Variants in REC114 observed in about 807,000 individuals in gnomAD.
REC114 encodes meiotic recombination protein REC114.
In REC114, 27 loss-of-function variants were observed where a neutral mutation model predicts 31.3. The observed-to-expected ratio is 0.86, with a 90% CI of 0.64 to 1.19. REC114 has a LOEUF of 1.19. Among genes scored for constraint, REC114 ranks in the 50% most tolerant of loss-of-function variants. REC114 has a pLI of 0.00. For synonymous variants in REC114, 134 were observed against 127.7 expected (o/e 1.05, Z -0.33); for missense variants, 344 against 326.9 (o/e 1.05, Z -0.40).
chr15:73,533,501 T>C (rs1281290966), intron 2 of REC114, among the ~76,000 whole-genome samples: 1 of 150,916 alleles, frequency 6.6e-6, no homozygotes, highest in African/African-American at 2.5e-5. Flanking sequence ...CCTAAATATA[T>C]ATGCACCCAA....
Position 73,555,202 on chromosome 15 carries a change from C to T in REC114, c.547-1100C>T, listed in dbSNP as rs554702115. On this transcript the variant is annotated intron_variant, in intron 4 of 5. Transcript: ENST00000331090. ...TTGGCATCTCCTGCCTTCTGGTAGT[C>T]AGACTTGTTGCTGAAGGACAGAAGC... is the stretch of plus-strand genomic sequence containing the variant. Among the ~76,000 whole-genome samples, 6 of 152,292 alleles carry T rather than the reference C, an allele frequency of 3.9e-5. No individual in the cohort carries two copies. The South Asian group carries it at 1.2e-3, about 32-fold the overall frequency.
chr15:73,540,090 A>T (rs1238330740), intron 2 of REC114, among the ~76,000 whole-genome samples: 1 of 152,172 alleles, frequency 6.6e-6, no homozygotes, highest in Non-Finnish European at 1.5e-5. Context: ...CTTACTATGG[A>T]GTTAGAGACG....
At chr15:73,503,458 G>A (rs1567875757) in intron 2 of REC114, among the ~76,000 whole-genome samples, 1 of 152,152 alleles carries the variant, frequency 6.6e-6, no homozygotes, top group Non-Finnish European at 1.5e-5. Flanking sequence ...GGAAAAAAAA[G>A]TGATACAATA....
chr15:73,515,989 C>T lies in REC114; in HGVS notation c.250-24496C>T, dbSNP rs1331157396. Among the ~76,000 whole-genome samples the T allele has an allele frequency of 6.2e-4, 89 of 143,216 alleles. 1 individual carries two copies. The highest frequency in any genetic ancestry group is 1.9e-3 in the African/African-American group (74 of 39,294). The allele number at this position is 143,216 out of a possible 152,430, so 94.0% of individuals were successfully genotyped here. A position where few individuals can be genotyped will look rare whatever the true frequency, so the allele number is the denominator to read the frequency against. On this transcript the variant is annotated intron_variant, in intron 2 of 5. Transcript: ENST00000331090. ...CATGAAGGCCAGTCTCTAGCTTTTT[C>T]TTTTTTTTTTTTTGGAGACAGAGTT...
At chr15:73,513,756 C>CG (rs1190431466) in intron 2 of REC114, among the ~76,000 whole-genome samples, 1 of 151,430 alleles carries the variant, frequency 6.6e-6, no homozygotes, top group Non-Finnish European at 1.5e-5. Flanking sequence ...TTAGGCTGCT[C>CG]GGGGGTCAGG....
intron 2 of REC114, among the ~76,000 whole-genome samples, chr15:73,528,060 T>G (rs1894029215): frequency 6.6e-6 from 1 of 151,906 alleles, no homozygotes. Flanking sequence ...AATGACACTT[T>G]TTTAAAAAAA....
intron 1 of REC114, among the ~76,000 whole-genome samples, chr15:73,467,298 T>C (rs761425856): frequency 7.4e-4 from 113 of 152,362 alleles, no homozygotes; most frequent in Non-Finnish European, 1.3e-3. Context: ...AATAAACTGA[T>C]TTTAGTCAGC....
intron 2 of REC114, among the ~76,000 whole-genome samples, chr15:73,477,723 G>T (rs1475778782): frequency 6.6e-6 from 1 of 152,054 alleles, no homozygotes; most frequent in Non-Finnish European, 1.5e-5. Flanking sequence ...TGGCTGCAAA[G>T]ATTTTTAAAA....
intron 2 of REC114, among the ~76,000 whole-genome samples, chr15:73,479,612 A>G (rs910945507): frequency 6.6e-6 from 1 of 152,082 alleles, no homozygotes; most frequent in African/African-American, 2.4e-5. Flanking sequence ...ACCCCTAGTA[A>G]CCACTATTCT....
At chr15:73,554,728 C>T (rs1894439104) in intron 4 of REC114, among the ~76,000 whole-genome samples, 1 of 152,200 alleles carries the variant, frequency 6.6e-6, no homozygotes, top group Non-Finnish European at 1.5e-5. Context: ...CAGACTCTTC[C>T]ATCTCTATGC....
At chr15:73,550,669 T>TG (rs897306013) in intron 3 of REC114, among the ~76,000 whole-genome samples, 4 of 152,216 alleles carry the variant, frequency 2.6e-5, no homozygotes, top group Admixed American at 2.0e-4. Flanking sequence ...ATCAGTATAG[T>TG]GATCTTCCTG....
At chr15:73,548,071 A>G (rs554087208) in intron 3 of REC114, among the ~76,000 whole-genome samples, 7 of 152,358 alleles carry the variant, frequency 4.6e-5, no homozygotes, top group Admixed American at 2.0e-4. Flanking sequence ...TACAAGAAAA[A>G]AACAACTCCA....
chr15:73,524,891 GC>G (rs1893985766), intron 2 of REC114, among the ~76,000 whole-genome samples: 1 of 152,212 alleles, frequency 6.6e-6, no homozygotes, highest in Non-Finnish European at 1.5e-5. Flanking sequence ...GAGCCACTGT[GC>G]CTGGCCCAAA....
chr15:73,489,411 G>A (rs1893415278), intron 2 of REC114, among the ~76,000 whole-genome samples: 1 of 151,556 alleles, frequency 6.6e-6, no homozygotes, highest in Admixed American at 6.6e-5. Flanking sequence ...TCATCAACAT[G>A]GTCAGGCTGG....
chr15:73,543,288 A>G (rs530502184), intron 3 of REC114, among the ~76,000 whole-genome samples: 3 of 152,254 alleles, frequency 2.0e-5, no homozygotes, highest in Non-Finnish European at 4.4e-5. Flanking sequence ...GACTTTTTAA[A>G]CATTTAAAAC....
chr15:73,513,328 T>C (rs1316142954), intron 2 of REC114, among the ~76,000 whole-genome samples: 1 of 151,674 alleles, frequency 6.6e-6, no homozygotes. Flanking sequence ...GTATTGGTTA[T>C]TCTAGTTATA....
chr15:73,531,936 G>C (rs1393041814), intron 2 of REC114, among the ~76,000 whole-genome samples: 2 of 148,648 alleles, frequency 1.3e-5, no homozygotes, highest in Non-Finnish European at 3.0e-5. Flanking sequence ...ATTGGCTCTT[G>C]TTCTTTTGTC....
chr15:73,473,311 C>T (rs1893160153), intron 1 of REC114, among the ~76,000 whole-genome samples: 1 of 151,896 alleles, frequency 6.6e-6, no homozygotes, highest in Non-Finnish European at 1.5e-5. Context: ...ATCGCTTGAA[C>T]ACAGGAGGCA....
chr15:73,445,123 A>G (rs981057676), intron 1 of REC114, among the ~76,000 whole-genome samples: 1 of 152,136 alleles, frequency 6.6e-6, no homozygotes, highest in Non-Finnish European at 1.5e-5. Context: ...TACAGTTCCT[A>G]AGGGCCCTAG....
Sources: gnomAD v4.1 joint callset for allele counts (sites outside exome capture counted in the v4.1 genomes callset) on GRCh38, gnomAD v4.1.1 for gene constraint, MANE v1.5 for transcripts, NCBI Gene and HGNC (gene_info 2026-07-23, HGNC 2026-07-21) for gene names.